Variants in RNF180 observed in about 807,000 individuals in gnomAD.
RNF180 encodes the protein ring finger protein 180, also known as E3 ubiquitin-protein ligase RNF180.
RNF180 carries 38 observed loss-of-function variants against 59.2 expected under a neutral mutation model. That is an observed-to-expected ratio of 0.64 (90% CI 0.50 to 0.84). The LOEUF (loss-of-function observed/expected upper bound fraction) is 0.84. Ranked by LOEUF, RNF180 falls within the 40% of genes least tolerant of loss-of-function variation. RNF180 has a pLI of 0.00. For synonymous variants in RNF180, 262 were observed against 240.3 expected, an observed-to-expected ratio of 1.09 and a Z score of -0.84; for missense variants, 705 against 700.9, an observed-to-expected ratio of 1.01 and a Z score of -0.07.
intron 1 of RNF180, among the ~76,000 whole-genome samples, chr5:64,186,061 T>TC (rs1178007220): frequency 6.6e-6 from 1 of 152,180 alleles, no homozygotes; most frequent in Non-Finnish European, 1.5e-5. Context: ...TGCTTTTTTT[T>TC]CTCCATTATC....
chr5:64,310,952 TG>T (rs1294988813), intron 5 of RNF180, among the ~76,000 whole-genome samples: 62 of 151,918 alleles, frequency 4.1e-4, no homozygotes, highest in Non-Finnish European at 4.4e-5. Context: ...GCTAAGGACC[TG>T]GGAAGAATAA....
chr5:64,231,582 T>C (rs1742105792), intron 5 of RNF180, among the ~76,000 whole-genome samples: 1 of 152,236 alleles, frequency 6.6e-6, no homozygotes, highest in African/African-American at 2.4e-5. Context: ...CAAATCATTA[T>C]GCGAAATATT....
chr5:64,317,246 G>T lies in RNF180; in HGVS notation c.1228-7940G>T, dbSNP rs148227768. ...TAAAGCAAATATCACAATAAAATGA[G>T]TTGCATGAGTTTTTTTGTTTCCCAG... On this transcript the variant is annotated intron_variant, in intron 5 of 7. Coordinates refer to ENST00000389100, the MANE Select transcript of RNF180 (RefSeq NM_001113561.2). Among the ~76,000 whole-genome samples the T allele has an allele frequency of 3.1e-3, 465 of 152,146 alleles. 3 individuals carry two copies. The highest frequency in any genetic ancestry group is 0.011 in the African/African-American group (452 of 41,510).
Position 64,325,359 on chromosome 5 carries a change from C to T in RNF180, c.1401C>T (p.Ser467=), listed in dbSNP as rs908010074. 9 of 1,551,590 alleles carry T rather than the reference C, an allele frequency of 5.8e-6. No individual in the cohort carries two copies. Among genetic ancestry groups the T allele is most frequent in the South Asian group, 4.8e-5 (4 of 84,066 alleles). The change falls in exon 6 of 8, where the codon AGC becomes AGT. Residue 467 remains serine (S), a synonymous_variant. Transcript: ENST00000389100. ...CTCTGGCCAAAGACAATCCTTCAAG[C>T]ACTCCATGCCCATTGTGTCGGACAA... ...LRTLAKDNPS[S]TPCPLCRTII...
chr5:64,335,891 G>A (rs1458026829), intron 7 of RNF180, among the ~76,000 whole-genome samples: 1 of 152,072 alleles, frequency 6.6e-6, no homozygotes, highest in Non-Finnish European at 1.5e-5. Context: ...ACTTCTATCA[G>A]TGTTGTTTAT....
intron 5 of RNF180, among the ~76,000 whole-genome samples, chr5:64,305,153 A>ATG (rs1165767042): frequency 6.6e-6 from 1 of 151,642 alleles, no homozygotes; most frequent in Non-Finnish European, 1.5e-5. Context: ...AAACCAAACA[A>ATG]TGTGTGTGTC....
intron 1 of RNF180, among the ~76,000 whole-genome samples, chr5:64,185,104 A>G (rs1750806041): frequency 6.6e-6 from 1 of 152,204 alleles, no homozygotes; most frequent in African/African-American, 2.4e-5. Flanking sequence ...GGAGATCCTT[A>G]GATCCTCATA....
At chr5:64,269,533 ATTAT>A (rs1423436432) in intron 5 of RNF180, among the ~76,000 whole-genome samples, 1 of 152,110 alleles carries the variant, frequency 6.6e-6, no homozygotes, top group Admixed American at 6.6e-5. Context: ...AAGCCTGAAA[ATTAT>A]TTATTCCTTT....
intron 1 of RNF180, among the ~76,000 whole-genome samples, chr5:64,172,307 A>G (rs1031730158): frequency 2.0e-5 from 3 of 152,162 alleles, no homozygotes; most frequent in African/African-American, 4.8e-5. Flanking sequence ...TCATTGGGCA[A>G]TTCTAAAGCA....
intron 5 of RNF180, among the ~76,000 whole-genome samples, chr5:64,320,709 A>G (rs1744299252): frequency 6.6e-6 from 1 of 152,232 alleles, no homozygotes; most frequent in Admixed American, 6.5e-5. Flanking sequence ...TGACACAAGG[A>G]AAAACAGATC....
intron 5 of RNF180, among the ~76,000 whole-genome samples, chr5:64,218,776 G>A (rs1752761998): frequency 6.6e-6 from 1 of 152,058 alleles, no homozygotes; most frequent in Non-Finnish European, 1.5e-5. Flanking sequence ...CAGAACCTGT[G>A]CATGTTTATT....
intron 5 of RNF180, among the ~76,000 whole-genome samples, chr5:64,256,367 G>A (rs1393764015): frequency 6.6e-6 from 1 of 152,058 alleles, no homozygotes; most frequent in Non-Finnish European, 1.5e-5. Flanking sequence ...CATCTTGAAT[G>A]AATTTTTGTA....
chr5:64,257,690 G>T (rs1386516500), intron 5 of RNF180, among the ~76,000 whole-genome samples: 1 of 152,158 alleles, frequency 6.6e-6, no homozygotes, highest in Non-Finnish European at 1.5e-5. Context: ...TCTCTGCCAG[G>T]CTTTGGTATC....
chr5:64,344,349 GA>G (rs1231183628), intron 7 of RNF180, among the ~76,000 whole-genome samples: 1 of 151,952 alleles, frequency 6.6e-6, no homozygotes, highest in Non-Finnish European at 1.5e-5. Flanking sequence ...GAGAAAAAAG[GA>G]ACATTTCATG....
At chr5:64,277,411 AAAAT>A (rs1463102952) in intron 5 of RNF180, among the ~76,000 whole-genome samples, 6 of 152,140 alleles carry the variant, frequency 3.9e-5, no homozygotes, top group Non-Finnish European at 8.8e-5. Context: ...TGGTAAGGGA[AAAAT>A]AAATAAGCAG....
Position 64,179,857 on chromosome 5 carries a change from A to G in RNF180, c.-1+13904A>G, listed in dbSNP as rs187780133. 7.9e-5 allele frequency among the ~76,000 whole-genome samples: 12 copies of G among 152,300 alleles called. 1 individual carries two copies. In the East Asian group the frequency reaches 2.3e-3, roughly 29 times the overall value. ...GTGCCTAGTTATACCTCCCCGTAGCAGTTTTTGAGATTCTTCTTGTTGCTC... is the reference window on the plus strand; with the variant it reads ...GTGCCTAGTTATACCTCCCCGTAGCGGTTTTTGAGATTCTTCTTGTTGCTC... On this transcript the variant is annotated intron_variant, in intron 1 of 7. Coordinates refer to ENST00000389100, the MANE Select transcript of RNF180 (RefSeq NM_001113561.2).
At position 64,370,679 on chromosome 5, in the gene RNF180, G is replaced by A. The variant is rs1746630827; in HGVS notation, c.*865G>A. ...TAAATAGGCTTATCGATTTTAGAAA[G>A]AAAACCTGACATTTTTAATTACAGT... On this transcript the variant is annotated 3_prime_UTR_variant, in exon 8 of 8. Coordinates refer to ENST00000389100, the MANE Select transcript of RNF180 (RefSeq NM_001113561.2). The A allele has an allele frequency of 6.6e-6, 1 of 151,308 alleles. No homozygotes were observed. The highest frequency in any genetic ancestry group is 2.4e-5 in the African/African-American group (1 of 41,282). The allele number at this position is 151,308 out of a possible 1,614,324, so 9.4% of individuals were successfully genotyped here. A position where few individuals can be genotyped will look rare whatever the true frequency, so the allele number is the denominator to read the frequency against.
At chr5:64,240,154 A>G (rs545229910) in intron 5 of RNF180, among the ~76,000 whole-genome samples, 10 of 152,322 alleles carry the variant, frequency 6.6e-5, no homozygotes, top group East Asian at 5.8e-4. Flanking sequence ...TCCATAGACT[A>G]TAATATATAA....
chr5:64,177,207 CATT>C (rs1750284508), intron 1 of RNF180, among the ~76,000 whole-genome samples: 1 of 152,084 alleles, frequency 6.6e-6, no homozygotes, highest in Non-Finnish European at 1.5e-5. Flanking sequence ...TCAAGTCAAA[CATT>C]ATACTTACTG....
Sources: gnomAD v4.1 joint callset for allele counts (sites outside exome capture counted in the v4.1 genomes callset) on GRCh38, gnomAD v4.1.1 for gene constraint, MANE v1.5 for transcripts, NCBI Gene and HGNC (gene_info 2026-07-23, HGNC 2026-07-21) for gene names.